PCDHA2: variants seen among roughly 807,000 people sequenced by gnomAD.
The protein encoded by PCDHA2 is protocadherin alpha 2.
PCDHA2 carries 58 observed loss-of-function variants against 66.0 expected under a neutral mutation model. That is an observed-to-expected ratio of 0.88 (90% CI 0.71 to 1.09). The LOEUF (loss-of-function observed/expected upper bound fraction) is 1.09, where lower values mean the gene tolerates loss of function less well. Ranked by LOEUF, PCDHA2 falls within the 50% of genes least tolerant of loss-of-function variation. The pLI is 0.00. For synonymous variants in PCDHA2, 634 were observed against 554.0 expected (o/e 1.14, Z -2.03); for missense variants, 1,267 against 1,242.3 (o/e 1.02, Z -0.30).
At chr5:140,884,044 G>A (rs374333847) in intron 1 of PCDHA2, 16 of 1,613,358 alleles carry the variant, frequency 9.9e-6, no homozygotes, top group Non-Finnish European at 1.4e-5. Context: ...ACGTGGTGGC[G>A]AAGGTGCGCG....
rs782715241 is a variant in PCDHA2 at position 140,803,300 on chromosome 5, C to A, written c.2388+5948C>A. The A allele has an allele frequency of 1.6e-5, 26 of 1,613,996 alleles. No homozygotes were observed. The South Asian group carries it at 2.4e-4, about 15-fold the overall frequency. ...TGGTGGATGTCAACGTGTACTTGAT[C>A]GTCGCCATCTGCGCGGTGTCCAGTC... is the stretch of plus-strand genomic sequence containing the variant. On this transcript the variant is annotated intron_variant, in intron 1 of 3. Transcript: ENST00000526136.
intron 1 of PCDHA2, chr5:140,926,327 A>AGAGCGCCGGGACCC (rs1363803647): frequency 6.6e-6 from 1 of 152,258 alleles, no homozygotes; most frequent in African/African-American, 2.4e-5. Context: ...CGCCGGGGTC[A>AGAGCGCCGGGACCC]GAGCGCCGGG....
chr5:140,941,251 CTT>C (rs1177440606), intron 1 of PCDHA2, among the ~76,000 whole-genome samples: 1 of 121,786 alleles, frequency 8.2e-6, no homozygotes, highest in African/African-American at 3.1e-5. Flanking sequence ...TTCTTTCTTT[CTT>C]TCTCTTTCTT....
At chr5:140,915,535 A>G (rs1482564103) in intron 1 of PCDHA2, among the ~76,000 whole-genome samples, 1 of 152,002 alleles carries the variant, frequency 6.6e-6, no homozygotes, top group African/African-American at 2.4e-5. Context: ...ACCATCTTGG[A>G]GGTCTTGAAT....
intron 1 of PCDHA2, chr5:140,807,989 G>A: frequency 6.2e-7 from 1 of 1,613,702 alleles, no homozygotes; most frequent in Non-Finnish European, 8.5e-7. Context: ...TAACGCCTCA[G>A]ATTTAGACGA....
At chr5:140,882,755 G>C (rs1554175453) in intron 1 of PCDHA2, 3 of 1,614,112 alleles carry the variant, frequency 1.9e-6, no homozygotes, top group Non-Finnish European at 2.5e-6. Context: ...TGCAGATATT[G>C]GAGTAAACTC....
At chr5:140,897,451 TC>T (rs2066120094) in intron 1 of PCDHA2, among the ~76,000 whole-genome samples, 1 of 151,584 alleles carries the variant, frequency 6.6e-6, no homozygotes, top group Non-Finnish European at 1.5e-5. Context: ...TGGTTTTTTG[TC>T]CTTGCGATAG....
intron 1 of PCDHA2, among the ~76,000 whole-genome samples, chr5:140,904,904 C>T (rs1463349424): frequency 6.6e-6 from 1 of 151,948 alleles, no homozygotes; most frequent in East Asian, 1.9e-4. Context: ...GTTTTTCTTA[C>T]TGATTTGTTT....
chr5:140,841,315 A>G, intron 1 of PCDHA2: 2 of 1,599,632 alleles, frequency 1.3e-6, no homozygotes, highest in South Asian at 1.1e-5. Flanking sequence ...GGAAACGACT[A>G]TTTAACATGG....
chr5:140,922,577 T>A (rs155818), intron 1 of PCDHA2, among the ~76,000 whole-genome samples: 2 of 152,016 alleles, frequency 1.3e-5, no homozygotes, highest in East Asian at 1.9e-4. Flanking sequence ...AGTTGCCCTG[T>A]AGCCGCCAGT....
chr5:140,837,300 A>C (rs78200905), intron 1 of PCDHA2: 1 of 151,976 alleles, frequency 6.6e-6, no homozygotes, highest in Non-Finnish European at 1.5e-5. Flanking sequence ...CTTTGTTGAG[A>C]TGTATTTGCC....
chr5:140,955,889 GT>G (rs1305358742), intron 1 of PCDHA2, among the ~76,000 whole-genome samples: 2 of 151,880 alleles, frequency 1.3e-5, no homozygotes, highest in Non-Finnish European at 2.9e-5. Flanking sequence ...ATTCCTAGGT[GT>G]TTTATTCTCT....
At chr5:140,802,493 G>C in intron 1 of PCDHA2, 2 of 1,614,166 alleles carry the variant, frequency 1.2e-6, no homozygotes, top group Non-Finnish European at 8.5e-7. Context: ...ACGGGGGCTC[G>C]CCTTCACTGT....
At chr5:140,805,695 C>G (rs1554123442) in intron 1 of PCDHA2, 1 of 651,456 alleles carries the variant, frequency 1.5e-6, no homozygotes, top group African/African-American at 2.0e-5. Flanking sequence ...TCATGATTAC[C>G]AAGAATTAGA....
intron 1 of PCDHA2, chr5:140,876,661 C>T: frequency 1.2e-6 from 2 of 1,614,212 alleles, no homozygotes; most frequent in Non-Finnish European, 1.7e-6. Context: ...TCCCTTCAAG[C>T]TGGTGTCCAC....
chr5:140,886,539 T>C (rs1463145945), intron 1 of PCDHA2, among the ~76,000 whole-genome samples: 6 of 152,154 alleles, frequency 3.9e-5, no homozygotes, highest in African/African-American at 1.4e-4. Context: ...GTTAGAAAGG[T>C]CTTCCCAGCT....
At position 140,796,071 on chromosome 5, in the gene PCDHA2, T is replaced by G. The variant is rs1554119684; in HGVS notation, c.1107T>G (p.Ile369Met). 2 of 1,614,208 alleles carry G rather than the reference T, an allele frequency of 1.2e-6. No individual in the cohort carries two copies. Among genetic ancestry groups the G allele is most frequent in the South Asian group, 1.1e-5 (1 of 91,086 alleles). The stretch of plus-strand genomic sequence containing the variant: ...AGAACGCTTCCCTGGGCACTGTCAT[T>G]GCTCTCATCACGGTGTCGGATCGCG... ...ISENASLGTVIALITVSDRDS... is the reference protein window; with the variant it reads ...ISENASLGTVMALITVSDRDS... Residue 369 changes from isoleucine (I) to methionine (M), a missense_variant, in exon 1 of 4, where the codon ATT becomes ATG. Transcript: ENST00000526136.
intron 1 of PCDHA2, among the ~76,000 whole-genome samples, chr5:140,847,056 A>T (rs1554141637): frequency 6.7e-6 from 1 of 149,850 alleles, no homozygotes; most frequent in South Asian, 2.1e-4. Flanking sequence ...GAAGACACAG[A>T]AAGCATCAAT....
chr5:140,927,802 A>G (rs782489417), intron 1 of PCDHA2: 1 of 1,614,030 alleles, frequency 6.2e-7, no homozygotes, highest in African/African-American at 1.3e-5. Flanking sequence ...TCCGCCTGAA[A>G]CGCTCTTGGA....
Sources: allele counts gnomAD v4.1 joint callset (sites outside exome capture counted in the v4.1 genomes callset), GRCh38; gene constraint gnomAD v4.1.1; transcripts MANE v1.5; gene names NCBI Gene and HGNC (gene_info 2026-07-23, HGNC 2026-07-21).